Variants in ACYP2 observed in about 807,000 individuals in gnomAD.
The protein encoded by ACYP2 is acylphosphatase-2.
ACYP2 carries 12 observed loss-of-function variants against 11.2 expected under a neutral mutation model. The observed-to-expected ratio is 1.08, with a 90% confidence interval of 0.69 to 1.74. The LOEUF is 1.74. Ranked by LOEUF, ACYP2 falls within the 40% of genes most tolerant of loss-of-function variation. ACYP2 has a pLI of 0.00. For synonymous variants in ACYP2, 43 were observed against 32.2 expected, an observed-to-expected ratio of 1.33 and a Z score of -1.13; for missense variants, 134 against 101.9, an observed-to-expected ratio of 1.31 and a Z score of -1.35.
At chr2:54,035,609 G>A (rs1362602360) in intron 2 of ACYP2, among the ~76,000 whole-genome samples, 1 of 152,078 alleles carries the variant, frequency 6.6e-6, no homozygotes, top group African/African-American at 2.4e-5. Context: ...CTTTTGAGTA[G>A]TGGTATTAAA....
chr2:54,164,251 C>T lies in ACYP2; in HGVS notation c.404+25503C>T, dbSNP rs116255733. 3.3e-3 allele frequency among the ~76,000 whole-genome samples: 508 copies of T among 152,208 alleles called. 4 individuals carry two copies. Among genetic ancestry groups the T allele is most frequent in the African/African-American group, 0.012 (481 of 41,516 alleles). On this transcript the variant is annotated intron_variant, in intron 6 of 6. Coordinates refer to ENST00000607452, the MANE Select transcript of ACYP2 (RefSeq NM_001320586.2). ...AGTGAATCATGGATGCACACAGGAA[C>T]TGGGGAGAAGTTCAGATGACATGAA...
rs377395416 is a variant in ACYP2, at chr2:54,151,285, G to A, written c.404+12537G>A. 2.6e-5 allele frequency among the ~76,000 whole-genome samples: 4 copies of A among 152,272 alleles called. No homozygotes were observed. In the South Asian group the frequency reaches 8.3e-4, roughly 32 times the overall value. ...AAATTGAAATGCAACAATGGATTTTGTGAACAATTAGGTGGTGTCAGATTC... is the reference window on the plus strand; with the variant it reads ...AAATTGAAATGCAACAATGGATTTTATGAACAATTAGGTGGTGTCAGATTC... On this transcript the variant is annotated intron_variant, in intron 6 of 6. Coordinates refer to ENST00000607452, the MANE Select transcript of ACYP2 (RefSeq NM_001320586.2).
At chr2:54,298,968 G>T (rs148622372) in intron 6 of ACYP2, among the ~76,000 whole-genome samples, 5,279 of 152,158 alleles carry the variant, frequency 0.035, 312 homozygotes, top group African/African-American at 0.12. Flanking sequence ...GGCCAGGCTG[G>T]TCTTGAACTC....
At chr2:54,150,968 C>G (rs1452908814) in intron 6 of ACYP2, among the ~76,000 whole-genome samples, 7 of 147,290 alleles carry the variant, frequency 4.8e-5, no homozygotes, top group African/African-American at 1.8e-4. Context: ...GTCTCGATCT[C>G]CTGACCTCGT....
intron 2 of ACYP2, among the ~76,000 whole-genome samples, chr2:53,991,141 A>G (rs1290118640): frequency 6.6e-6 from 1 of 152,132 alleles, no homozygotes; most frequent in Non-Finnish European, 1.5e-5. Flanking sequence ...CTGCTGGTCA[A>G]GTGTTCAAAG....
At chr2:54,069,676 C>CA (rs986141648) in intron 4 of ACYP2, among the ~76,000 whole-genome samples, 15 of 151,162 alleles carry the variant, frequency 9.9e-5, no homozygotes, top group East Asian at 2.0e-4. Flanking sequence ...AAACAAAAAA[C>CA]AAAAAAAACA....
intron 2 of ACYP2, among the ~76,000 whole-genome samples, chr2:53,983,785 G>A (rs2104512376): frequency 6.6e-6 from 1 of 152,296 alleles, no homozygotes; most frequent in East Asian, 1.9e-4. Flanking sequence ...AGTCTTGCAA[G>A]CAAGTTAATA....
At chr2:54,112,766 T>C (rs1679525384) in intron 4 of ACYP2, among the ~76,000 whole-genome samples, 1 of 152,240 alleles carries the variant, frequency 6.6e-6, no homozygotes, top group South Asian at 2.1e-4. Flanking sequence ...TAGAATCACA[T>C]ATTATTGGCA....
At chr2:54,052,068 A>ATAAATAAAT (rs1343077150) in intron 3 of ACYP2, among the ~76,000 whole-genome samples, 1 of 151,536 alleles carries the variant, frequency 6.6e-6, no homozygotes, top group African/African-American at 2.4e-5. Flanking sequence ...AAATAAATAA[A>ATAAATAAAT]TAAATAAATA....
chr2:54,280,145 G>A (rs570658784), intron 6 of ACYP2, among the ~76,000 whole-genome samples: 1 of 152,246 alleles, frequency 6.6e-6, no homozygotes, highest in East Asian at 1.9e-4. Context: ...ATGGCCCAAA[G>A]CCTCCAAGGC....
At chr2:54,295,780 A>G (rs1689496819) in intron 6 of ACYP2, among the ~76,000 whole-genome samples, 1 of 151,040 alleles carries the variant, frequency 6.6e-6, no homozygotes, top group Admixed American at 6.6e-5. Context: ...TGTGTGTGTG[A>G]GACAGAGTAT....
At chr2:54,087,239 A>G (rs1677990909) in intron 4 of ACYP2, among the ~76,000 whole-genome samples, 1 of 152,234 alleles carries the variant, frequency 6.6e-6, no homozygotes, top group African/African-American at 2.4e-5. Context: ...ACACTTGTAC[A>G]CATGTCCAGA....
chr2:54,201,106 CTCTT>C (rs764018787), intron 6 of ACYP2, among the ~76,000 whole-genome samples: 41 of 144,392 alleles, frequency 2.8e-4, no homozygotes, highest in East Asian at 5.9e-4. Flanking sequence ...GGTTCTCTCT[CTCTT>C]TTTTTTTTTT....
intron 4 of ACYP2, among the ~76,000 whole-genome samples, chr2:54,083,810 A>T (rs1572713768): frequency 6.6e-6 from 1 of 152,140 alleles, no homozygotes; most frequent in East Asian, 1.9e-4. Flanking sequence ...AACTGGCCAA[A>T]TCCCATAAAA....
intron 6 of ACYP2, among the ~76,000 whole-genome samples, chr2:54,227,470 C>G (rs1686057333): frequency 6.6e-6 from 1 of 152,072 alleles, no homozygotes; most frequent in Non-Finnish European, 1.5e-5. Flanking sequence ...GAAAGCCCGT[C>G]TCTACTAAAA....
intron 4 of ACYP2, among the ~76,000 whole-genome samples, chr2:54,122,249 G>A (rs1293272041): frequency 1.3e-5 from 2 of 152,188 alleles, no homozygotes; most frequent in Non-Finnish European, 2.9e-5. Flanking sequence ...ACTCATCACA[G>A]GTTTCTTTAA....
At chr2:54,073,507 C>A (rs561784509) in intron 4 of ACYP2, among the ~76,000 whole-genome samples, 1 of 152,124 alleles carries the variant, frequency 6.6e-6, no homozygotes, top group Admixed American at 6.5e-5. Context: ...AAAACACAAG[C>A]AACAAAAGGA....
intron 4 of ACYP2, among the ~76,000 whole-genome samples, chr2:54,114,380 C>CAAAAA (rs58390248): frequency 9.6e-6 from 1 of 104,390 alleles, no homozygotes; most frequent in Admixed American, 1.0e-4. Flanking sequence ...TCAAGACAAT[C>CAAAAA]AAAAAAAAAA....
intron 6 of ACYP2, among the ~76,000 whole-genome samples, chr2:54,299,367 G>A (rs1215200055): frequency 5.3e-5 from 8 of 152,208 alleles, no homozygotes; most frequent in South Asian, 2.1e-4. Context: ...GCCGAGGCGG[G>A]CAGATCACGA....
Sources: allele counts gnomAD v4.1 joint callset (sites outside exome capture counted in the v4.1 genomes callset), GRCh38; gene constraint gnomAD v4.1.1; transcripts MANE v1.5; gene names NCBI Gene and HGNC (gene_info 2026-07-23, HGNC 2026-07-21).